Variants in ODF2L observed in about 807,000 individuals in gnomAD.
ODF2L encodes outer dense fiber of sperm tails 2 like.
ODF2L carries 76 observed loss-of-function variants against 86.3 expected under a neutral mutation model. The ratio of observed to expected loss-of-function variants is 0.88; its 90% CI spans 0.73 to 1.07. The LOEUF is 1.07. Ranked by LOEUF, ODF2L falls within the 50% of genes least tolerant of loss-of-function variation. The probability of loss-of-function intolerance (pLI) is 0.00; values close to 1 mark genes in which losing one functional copy is unlikely to be tolerated. For missense variants in ODF2L, 748 were observed against 717.4 expected (o/e 1.04, Z -0.49); for synonymous variants, 241 against 231.3 (o/e 1.04, Z -0.38).
At chr1:86,354,953 C>T (rs533184633) in intron 14 of ODF2L, 94 bp from the exon 14 acceptor site, 375 of 689,054 alleles carry the variant, frequency 5.4e-4, no homozygotes, top group Non-Finnish European at 6.1e-4. Context: ...CCACAAGCAA[C>T]GAGAAGGTAT....
chr1:86,361,981 T>G (rs545851184), intron 11 of ODF2L, among the ~76,000 whole-genome samples: 152 of 152,120 alleles, frequency 1.0e-3, no homozygotes, highest in Non-Finnish European at 1.8e-3. Flanking sequence ...CAGCTAGGAA[T>G]GACATGTGGG....
chr1:86,385,528 A>G (rs2101412905), exon 3 of ODF2L: 2 of 1,607,680 alleles, frequency 1.2e-6, no homozygotes, highest in East Asian at 2.2e-5. Flanking sequence ...ATGAGTTACC[A>G]ACTCCGCTTC....
chr1:86,385,752 A>G (rs1438122913), intron 2 of ODF2L, 162 bp from the exon 3 acceptor site: 2 of 483,266 alleles, frequency 4.1e-6, no homozygotes, highest in Non-Finnish European at 7.3e-6. Context: ...AATTTTAAGA[A>G]TACTTTATTT....
intron 14 of ODF2L, 144 bp from the exon 14 acceptor site, chr1:86,355,003 G>A: frequency 1.8e-6 from 1 of 558,166 alleles, no homozygotes; most frequent in East Asian, 2.9e-5. Context: ...CCAAGAAAAT[G>A]TTATATTGTT....
chr1:86,380,824 G>C (rs1262409978), intron 7 of ODF2L, among the ~76,000 whole-genome samples: 1 of 151,876 alleles, frequency 6.6e-6, no homozygotes, highest in African/African-American at 2.4e-5. Context: ...AAGAAAAATT[G>C]GTGGAAGGCA....
chr1:86,350,689 A>G (rs1658068776), exon 18 of ODF2L: 1 of 152,198 alleles, frequency 6.6e-6, no homozygotes, highest in South Asian at 2.1e-4. Context: ...TGTCTTCCGC[A>G]GTGGTTGAAC....
intron 11 of ODF2L, among the ~76,000 whole-genome samples, chr1:86,365,477 A>T (rs1180317450): frequency 6.6e-6 from 1 of 152,182 alleles, no homozygotes; most frequent in African/African-American, 2.4e-5. Context: ...ATGAAATTCT[A>T]CCTGCAAAAT....
At position 86,368,639 on chromosome 1, in the gene ODF2L, T is replaced by C. The variant is rs576972116; in HGVS notation, c.1140A>G (p.Glu380=). 6.8e-5 allele frequency: 98 copies of C among 1,432,608 alleles called. 2 individuals carry two copies. The East Asian group carries it at 2.1e-3, about 31-fold the overall frequency. The allele number at this position is 1,432,608 out of a possible 1,614,324, so 88.7% of individuals were successfully genotyped here. A position where few individuals can be genotyped will look rare whatever the true frequency, so the allele number is the denominator to read the frequency against. ...GGCAGTATGAGTAATAAAATACCTT[T>C]TCAGAAGAAATGTAGCAAAGCATAT... is the stretch of plus-strand genomic sequence containing the variant. The change falls in exon 11 of 18, where the codon GAA becomes GAG. Residue 380 remains glutamate, a synonymous_variant. Transcript: ENST00000317336.
intron 11 of ODF2L, among the ~76,000 whole-genome samples, chr1:86,361,620 T>C (rs1242591222): frequency 6.6e-6 from 1 of 152,126 alleles, no homozygotes; most frequent in Non-Finnish European, 1.5e-5. Flanking sequence ...AAACAAAATA[T>C]GAAAAAGTAT....
intron 8 of ODF2L, among the ~76,000 whole-genome samples, chr1:86,372,999 T>C (rs907506745): frequency 1.3e-5 from 2 of 152,056 alleles, no homozygotes; most frequent in Non-Finnish European, 2.9e-5. Context: ...GGTAAAAGAC[T>C]ACACATTGGC....
At chr1:86,394,746 C>T (rs572658102) in intron 1 of ODF2L, among the ~76,000 whole-genome samples, 18 of 151,090 alleles carry the variant, frequency 1.2e-4, no homozygotes, top group Middle Eastern at 3.4e-3. Context: ...AAGCAAAAAG[C>T]AAATCATAAA....
chr1:86,392,666 G>C (rs1052750835), intron 1 of ODF2L, among the ~76,000 whole-genome samples: 2 of 152,120 alleles, frequency 1.3e-5, no homozygotes, highest in African/African-American at 4.8e-5. Context: ...CAGGGTGAAA[G>C]GGTGGGAAGG....
At chr1:86,370,330 CAACAA>C (rs916935783) in intron 10 of ODF2L, among the ~76,000 whole-genome samples, 10 of 151,936 alleles carry the variant, frequency 6.6e-5, no homozygotes, top group African/African-American at 2.4e-4. Flanking sequence ...GTTATAAATA[CAACAA>C]AACAATGTTA....
chr1:86,358,217 C>T (rs1658741884), intron 13 of ODF2L: 1 of 290,602 alleles, frequency 3.4e-6, no homozygotes, highest in Non-Finnish European at 5.2e-6. Context: ...ACTTTCACTG[C>T]TTCTTTACCA....
At chr1:86,372,491 T>C (rs1215736338) in exon 9 of ODF2L, 1 of 1,530,154 alleles carries the variant, frequency 6.5e-7, no homozygotes, top group Non-Finnish European at 8.7e-7. Flanking sequence ...TTTCTCATAA[T>C]GACTTTTCCA....
intron 11 of ODF2L, among the ~76,000 whole-genome samples, chr1:86,366,429 C>T (rs866043131): frequency 1.4e-5 from 2 of 139,830 alleles, no homozygotes; most frequent in Non-Finnish European, 3.0e-5. Flanking sequence ...CACACACACA[C>T]ACACATACAC....
chr1:86,358,823 GTTA>G, exon 13 of ODF2L: 2 of 1,527,832 alleles, frequency 1.3e-6, no homozygotes, highest in Non-Finnish European at 1.8e-6. Flanking sequence ...TTGTTATTTG[GTTA>G]TTTTTATGTA....
At chr1:86,373,101 C>T (rs558250582) in intron 8 of ODF2L, among the ~76,000 whole-genome samples, 1 of 152,016 alleles carries the variant, frequency 6.6e-6, no homozygotes, top group Admixed American at 6.6e-5. Context: ...GACCTGTCCC[C>T]TAAAAACTAT....
At chr1:86,370,629 C>A (rs1302979923) in intron 10 of ODF2L, among the ~76,000 whole-genome samples, 1 of 152,050 alleles carries the variant, frequency 6.6e-6, no homozygotes, top group East Asian at 1.9e-4. Context: ...AAAGCAATTA[C>A]CCCTTGGATA....
Sources: gnomAD v4.1 joint callset for allele counts (sites outside exome capture counted in the v4.1 genomes callset) on GRCh38, gnomAD v4.1.1 for gene constraint, MANE v1.5 for transcripts, NCBI Gene and HGNC (gene_info 2026-07-23, HGNC 2026-07-21) for gene names.